Variants in IPO11 observed in about 807,000 individuals in gnomAD.
IPO11 encodes importin-11.
A neutral mutation model predicts 143.2 loss-of-function variants in IPO11; 66 were observed. That is an observed-to-expected ratio of 0.46 (90% CI 0.38 to 0.57). The LOEUF (loss-of-function observed/expected upper bound fraction) is 0.57, where lower values mean the gene tolerates loss of function less well. Among genes scored for constraint, IPO11 ranks in the 20% least tolerant of loss-of-function variants. The pLI, the probability that IPO11 is intolerant of heterozygous loss-of-function variation, is 0.00. For synonymous variants in IPO11, 385 were observed against 377.8 expected (o/e 1.02, Z -0.22); for missense variants, 1,026 against 1,141.0 (o/e 0.90, Z 1.45).
Position 62,435,178 on chromosome 5 carries a change from A to ATATGTATATATG in IPO11, c.-6-2095_-6-2094insATGTATATATGT, listed in dbSNP as rs1222515440. Reference sequence around the variant, plus strand: ...TATATATATGTATATATATGTATATATGTATATATATGTATATATATGTAT... The same window carrying ATATGTATATATG: ...TATATATATGTATATATATGTATATATATGTATATATGTGTATATATATGTATATATATGTAT... On this transcript the variant is annotated intron_variant, in intron 1 of 29. Coordinates refer to ENST00000325324, the MANE Select transcript of IPO11 (RefSeq NM_016338.5). Among the ~76,000 whole-genome samples, 36 of 75,982 alleles carry ATATGTATATATG rather than the reference A, an allele frequency of 4.7e-4. 4 individuals are homozygous for ATATGTATATATG. Among genetic ancestry groups the ATATGTATATATG allele is most frequent in the African/African-American group, 1.8e-3 (35 of 19,734 alleles). The allele number at this position is 75,982 out of a possible 152,430, so 49.8% of individuals were successfully genotyped here. A position where few individuals can be genotyped will look rare whatever the true frequency, so the allele number is the denominator to read the frequency against.
chr5:62,623,166 A>G lies in IPO11; in HGVS notation c.2764-3988A>G, dbSNP rs957428375. Among the ~76,000 whole-genome samples, 3 of 152,218 alleles carry G rather than the reference A, an allele frequency of 2.0e-5. 1 individual carries two copies. The highest frequency in any genetic ancestry group is 4.8e-5 in the African/African-American group (2 of 41,440). ...AGTCAGAAAAGAAGGGAATTTTTAA[A>G]CCAAAGATAATTTAATTAAGGAATT... is the stretch of plus-strand genomic sequence containing the variant. On this transcript the variant is annotated intron_variant, in intron 29 of 29. Transcript: ENST00000325324.
chr5:62,474,055 C>A (rs1270696903), intron 7 of IPO11, among the ~76,000 whole-genome samples: 7 of 152,080 alleles, frequency 4.6e-5, no homozygotes, highest in African/African-American at 1.7e-4. Context: ...GGAGGAGCCA[C>A]ATAATAAATG....
chr5:62,563,436 C>T (rs73108058), intron 27 of IPO11, among the ~76,000 whole-genome samples: 2,564 of 152,252 alleles, frequency 0.017, 67 homozygotes, highest in African/African-American at 0.059. Flanking sequence ...ATTTGTTTTA[C>T]ATTTTTAATG....
In IPO11 at chr5:62,527,917, T is replaced by A. The variant is rs78257306; in HGVS notation, c.2012+1660T>A. Among the ~76,000 whole-genome samples, 919 of 152,342 alleles carry A rather than the reference T, an allele frequency of 6.0e-3. 5 individuals are homozygous for A. Among genetic ancestry groups the A allele is most frequent in the Admixed American group, 0.01 (157 of 15,294 alleles). ...TGCTACTGCATTATATATGTAATTT[T>A]AAGAAGTTAATCATCTTTGGTGAAC... is the stretch of plus-strand genomic sequence containing the variant. On this transcript the variant is annotated intron_variant, in intron 21 of 29. Coordinates refer to ENST00000325324, the MANE Select transcript of IPO11 (RefSeq NM_016338.5).
chr5:62,580,949 A>G (rs1449322491), intron 27 of IPO11: 21 of 1,551,166 alleles, frequency 1.4e-5, no homozygotes, highest in Non-Finnish European at 1.8e-5. Context: ...GCTCTACCGA[A>G]TGATGCTGCT....
intron 24 of IPO11, among the ~76,000 whole-genome samples, chr5:62,537,827 T>C (rs982747142): frequency 6.6e-6 from 1 of 152,006 alleles, no homozygotes; most frequent in Non-Finnish European, 1.5e-5. Context: ...ATATAAATAG[T>C]ATTAAATGTA....
At chr5:62,452,129 C>T (rs1047009137) in intron 5 of IPO11, among the ~76,000 whole-genome samples, 196 bp downstream of exon 5, 3 of 151,476 alleles carry the variant, frequency 2.0e-5, no homozygotes, top group African/African-American at 7.4e-5. Flanking sequence ...CCTGTGGTTC[C>T]AGCTACTCAG....
At chr5:62,428,072 T>C (rs964956112) in intron 1 of IPO11, among the ~76,000 whole-genome samples, 4 of 152,234 alleles carry the variant, frequency 2.6e-5, no homozygotes, top group African/African-American at 9.6e-5. Flanking sequence ...CCAGATGTTG[T>C]AGTACACACT....
Position 62,435,114 on chromosome 5 carries a change from A to ATATATGTATATATGTATATG in IPO11, c.-6-2157_-6-2156insATGTATATATGTATATGTAT, listed in dbSNP as rs1561308819. 5.3e-4 allele frequency among the ~76,000 whole-genome samples: 54 copies of ATATATGTATATATGTATATG among 102,266 alleles called. 1 individual carries two copies. Among genetic ancestry groups the ATATATGTATATATGTATATG allele is most frequent in the Middle Eastern group, 4.3e-3 (1 of 230 alleles). The allele number at this position is 102,266 out of a possible 152,430, so 67.1% of individuals were successfully genotyped here. A position where few individuals can be genotyped will look rare whatever the true frequency, so the allele number is the denominator to read the frequency against. Reference sequence around the variant, plus strand: ...TATGTATATATGTATATATATGTATATATGTATATATGTATATATATGTAT... The same window carrying ATATATGTATATATGTATATG: ...TATGTATATATGTATATATATGTATATATATGTATATATGTATATGTATGTATATATGTATATATATGTAT... On this transcript the variant is annotated intron_variant, in intron 1 of 29. Transcript: ENST00000325324.
chr5:62,493,857 G>A (rs1580244889), intron 15 of IPO11, 141 bp from the exon 16 acceptor site: 1 of 765,630 alleles, frequency 1.3e-6, no homozygotes, highest in Non-Finnish European at 2.0e-6. Flanking sequence ...GCATGAGCCA[G>A]CACACCTGCT....
At chr5:62,575,195 G>A (rs1430245427) in intron 27 of IPO11, among the ~76,000 whole-genome samples, 1 of 152,148 alleles carries the variant, frequency 6.6e-6, no homozygotes, top group Non-Finnish European at 1.5e-5. Flanking sequence ...TTTTCACTTA[G>A]AAATTATTTC....
chr5:62,425,442 C>T (rs945269176), intron 1 of IPO11, among the ~76,000 whole-genome samples: 13 of 152,166 alleles, frequency 8.5e-5, no homozygotes, highest in Non-Finnish European at 1.3e-4. Flanking sequence ...CTCAGCCTCC[C>T]GAGTAGCTGG....
intron 26 of IPO11, among the ~76,000 whole-genome samples, chr5:62,553,201 C>T (rs1051693185): frequency 1.3e-5 from 2 of 152,160 alleles, no homozygotes; most frequent in African/African-American, 4.8e-5. Flanking sequence ...TAAGTGAGAA[C>T]ACGTAGTATT....
chr5:62,524,127 T>G (rs1421240391), intron 20 of IPO11, among the ~76,000 whole-genome samples: 1 of 152,158 alleles, frequency 6.6e-6, no homozygotes, highest in Non-Finnish European at 1.5e-5. Flanking sequence ...GGCAATGTCT[T>G]GTAGTTACTG....
chr5:62,618,594 A>C (rs1374245042), intron 29 of IPO11, among the ~76,000 whole-genome samples: 1 of 152,220 alleles, frequency 6.6e-6, no homozygotes, highest in Non-Finnish European at 1.5e-5. Context: ...ATAAAATATT[A>C]GGGATAAGAA....
intron 27 of IPO11, among the ~76,000 whole-genome samples, chr5:62,567,743 G>T (rs1744004536): frequency 6.6e-6 from 1 of 150,878 alleles, no homozygotes; most frequent in Non-Finnish European, 1.5e-5. Flanking sequence ...TGTATTTTTA[G>T]TAGAGACACG....
At chr5:62,514,615 A>ACGGGAGC (rs1232455225) in intron 19 of IPO11, among the ~76,000 whole-genome samples, 1 of 140,034 alleles carries the variant, frequency 7.1e-6, no homozygotes, top group African/African-American at 3.1e-5. Flanking sequence ...GGAGAGGGAG[A>ACGGGAGC]GGGAGAGGGA....
intron 13 of IPO11, among the ~76,000 whole-genome samples, chr5:62,488,627 T>C (rs1199500613): frequency 6.6e-6 from 1 of 152,168 alleles, no homozygotes; most frequent in Non-Finnish European, 1.5e-5. Context: ...ACCTGAGATT[T>C]TCACCTATAG....
chr5:62,497,039 C>T (rs893071216), intron 16 of IPO11, among the ~76,000 whole-genome samples: 1 of 152,148 alleles, frequency 6.6e-6, no homozygotes, highest in East Asian at 1.9e-4. Flanking sequence ...CCTGATGAAT[C>T]GAATTCCTCT....
Sources: gnomAD v4.1 joint callset for allele counts (sites outside exome capture counted in the v4.1 genomes callset) on GRCh38, gnomAD v4.1.1 for gene constraint, MANE v1.5 for transcripts, NCBI Gene and HGNC (gene_info 2026-07-23, HGNC 2026-07-21) for gene names.